Variants in SATB1 observed in about 807,000 individuals in gnomAD.
The protein encoded by SATB1 is SATB homeobox 1.
In SATB1, 11 loss-of-function variants were observed where a neutral mutation model predicts 86.9. That is an observed-to-expected ratio of 0.13 (90% CI 0.08 to 0.21). The LOEUF is 0.21. SATB1 is among the 10% of genes least tolerant of loss of function. SATB1 has a pLI of 1.00. For missense variants in SATB1, 551 were observed against 937.6 expected, an observed-to-expected ratio of 0.59 and a Z score of 5.39; for synonymous variants, 357 against 357.2, an observed-to-expected ratio of 1.00 and a Z score of 0.01.
At chr3:18,388,783 T>C (rs1313111155) in intron 7 of SATB1, among the ~76,000 whole-genome samples, 1 of 152,072 alleles carries the variant, frequency 6.6e-6, no homozygotes, top group African/African-American at 2.4e-5. Flanking sequence ...GGGCAAAACA[T>C]AGTTATAAAT....
At chr3:18,441,482 T>A (rs1021477639), upstream of SATB1, among the ~76,000 whole-genome samples, 16 of 152,198 alleles carry the variant, frequency 1.1e-4, no homozygotes, top group Admixed American at 7.2e-4. Context: ...ATTGCTTTAG[T>A]CATATGCATT....
chr3:18,413,014 T>C (rs565823618), intron 5 of SATB1, among the ~76,000 whole-genome samples: 3 of 152,218 alleles, frequency 2.0e-5, no homozygotes, highest in East Asian at 1.9e-4. Context: ...AGTTTTTTTA[T>C]GGAAAAGAAT....
Position 18,386,868 on chromosome 3 carries a change from T to C in SATB1, c.1207-257A>G, listed in dbSNP as rs1188971408. ...GTCTCCTTCCTTTGAGTAGCTTAAC[T>C]TGCCATGAAATCTTTCACAGAGAGA... On this transcript the variant is annotated intron_variant, in intron 7 of 10. Coordinates refer to ENST00000338745, the MANE Select transcript of SATB1 (RefSeq NM_002971.6). This position sits in a 1 kb window ranked among gnomAD's most constrained non-coding sequence, Gnocchi z 4.5. Among the ~76,000 whole-genome samples, 1 of 152,178 alleles carries C rather than the reference T, an allele frequency of 6.6e-6. No individual in the cohort carries two copies. The highest frequency in any genetic ancestry group is 1.9e-4 in the East Asian group (1 of 5,196).
chr3:18,436,603 G>A (rs1699070500), intron 2 of SATB1, among the ~76,000 whole-genome samples: 1 of 151,204 alleles, frequency 6.6e-6, no homozygotes, highest in Non-Finnish European at 1.5e-5. Context: ...AAATTAGAAA[G>A]AAAATTCTCT....
rs555386892 is a variant in SATB1, at chr3:18,419,288, C to T, written c.211+1469G>A. 1.1e-4 allele frequency among the ~76,000 whole-genome samples: 14 copies of T among 132,424 alleles called. No individual in the cohort carries two copies. In the East Asian group the frequency reaches 2.1e-3, roughly 20 times the overall value. The allele number at this position is 132,424 out of a possible 152,430, so 86.9% of individuals were successfully genotyped here. ...TATGATTATTCGTGCTAGTGTTTGG[C>T]GAGAGTTCCAACTACAGCAACTTCA... On this transcript the variant is annotated intron_variant, in intron 2 of 10. Transcript: ENST00000338745.
chr3:18,356,114 T>A lies in SATB1; in HGVS notation c.1576-3919A>T, dbSNP rs115388151. On this transcript the variant is annotated intron_variant, in intron 9 of 10. Transcript: ENST00000338745. ...ACTTAAAAAAAACTGGCATGGACGCTGAATAAGCTGAAAATGCCATGCAGA... is the reference window on the plus strand; with the variant it reads ...ACTTAAAAAAAACTGGCATGGACGCAGAATAAGCTGAAAATGCCATGCAGA... Among the ~76,000 whole-genome samples, 710 of 152,002 alleles carry A rather than the reference T, an allele frequency of 4.7e-3. 5 individuals are homozygous for A. The highest frequency in any genetic ancestry group is 0.016 in the African/African-American group (674 of 41,532).
intron 8 of SATB1, among the ~76,000 whole-genome samples, chr3:18,385,093 G>A (rs1277738453): frequency 6.6e-6 from 1 of 152,062 alleles, no homozygotes; most frequent in East Asian, 1.9e-4. Flanking sequence ...TCTTATTTAT[G>A]CAGTATCCGT....
intron 5 of SATB1, among the ~76,000 whole-genome samples, chr3:18,413,067 C>A (rs1378302463): frequency 6.6e-6 from 1 of 152,038 alleles, no homozygotes; most frequent in Non-Finnish European, 1.5e-5. Flanking sequence ...CTAGTTCCAT[C>A]ACTTAATGAT....
chr3:18,400,043 A>G (rs546969334), intron 5 of SATB1, among the ~76,000 whole-genome samples: 1 of 152,296 alleles, frequency 6.6e-6, no homozygotes, highest in Non-Finnish European at 1.5e-5. Context: ...TGTGGTGCAC[A>G]TGGCATTTGA....
At chr3:18,410,919 A>C (rs2125148974) in intron 5 of SATB1, 1 of 390,728 alleles carries the variant, frequency 2.6e-6, no homozygotes, top group South Asian at 1.3e-4. Context: ...AGTGTATTTA[A>C]TTCCTACGGA....
intron 8 of SATB1, among the ~76,000 whole-genome samples, chr3:18,384,959 A>G (rs1281125869): frequency 6.6e-6 from 1 of 152,214 alleles, no homozygotes; most frequent in Non-Finnish European, 1.5e-5. Context: ...ATAGACATCA[A>G]GACCAGATTG....
chr3:18,378,421 T>C (rs1695874030), intron 8 of SATB1, 96 bp from the exon 9 acceptor site: 3 of 1,220,454 alleles, frequency 2.5e-6, no homozygotes, highest in Non-Finnish European at 3.5e-6. Context: ...TGTTGTTCCT[T>C]TTATGATCAA....
chr3:18,369,569 A>G (rs60510146), intron 9 of SATB1, among the ~76,000 whole-genome samples: 2,400 of 152,242 alleles, frequency 0.016, 70 homozygotes, highest in African/African-American at 0.055. Flanking sequence ...CTGAAATTTT[A>G]GTTACACCAC....
chr3:18,349,813 A>G lies in SATB1; in HGVS notation c.1780-131T>C. On this transcript the variant is annotated intron_variant, in intron 10 of 10. Transcript: ENST00000338745. The surrounding 1 kb of genome is among the most constrained non-coding windows in gnomAD (Gnocchi z 5.5). The stretch of plus-strand genomic sequence containing the variant: ...TTGATAGGGATGAAGATTTAGAAAG[A>G]AAAGGTAGGCCGGCGAAATGGCCGA... 7.1e-7 allele frequency: 1 copy of G among 1,414,950 alleles called. No homozygotes were observed. The highest frequency in any genetic ancestry group is 9.2e-7 in the Non-Finnish European group (1 of 1,082,738). 87.6% of individuals were successfully genotyped at this position (1,414,950 alleles called of 1,614,324 possible).
rs1694200949 is a variant in SATB1 at position 18,348,919 on chromosome 3, C to A, written c.*251G>T. The A allele has an allele frequency of 1.8e-6, 1 of 541,894 alleles. No homozygotes were observed. The highest frequency in any genetic ancestry group is 3.2e-6 in the Non-Finnish European group (1 of 317,196). The allele number at this position is 541,894 out of a possible 1,614,324, so 33.6% of individuals were successfully genotyped here. A position where few individuals can be genotyped will look rare whatever the true frequency, so the allele number is the denominator to read the frequency against. On this transcript the variant is annotated 3_prime_UTR_variant, in exon 11 of 11. Coordinates refer to ENST00000338745, the MANE Select transcript of SATB1 (RefSeq NM_002971.6). ...TACGGGGTACACACTTTGGTGCATC[C>A]CGTGAACACAAATTTTAATACCAAA...
Position 18,407,512 on chromosome 3 carries a change from A to G in SATB1, c.639+7599T>C, listed in dbSNP as rs184956923. Among the ~76,000 whole-genome samples the G allele has an allele frequency of 5.9e-5, 9 of 152,184 alleles. No homozygotes were observed. In the East Asian group the frequency reaches 1.7e-3, roughly 29 times the overall value. On this transcript the variant is annotated intron_variant, in intron 5 of 10. Coordinates refer to ENST00000338745, the MANE Select transcript of SATB1 (RefSeq NM_002971.6). ...AAAACAACTAGTTATGGCACACTTT[A>G]GGACTGAAAACTGTTCTAAATGTTT...
intron 9 of SATB1, among the ~76,000 whole-genome samples, chr3:18,370,871 C>T (rs1484828249): frequency 3.3e-5 from 5 of 152,192 alleles, no homozygotes; most frequent in Non-Finnish European, 5.9e-5. Flanking sequence ...AGTTCCCATC[C>T]GTAGCGTCGA....
chr3:18,387,476 C>G (rs924906011), intron 7 of SATB1, among the ~76,000 whole-genome samples: 4 of 152,108 alleles, frequency 2.6e-5, no homozygotes, highest in Admixed American at 6.5e-5. Flanking sequence ...GTCTTTCCCC[C>G]CTAAATAACA....
At chr3:18,357,596 A>C (rs1331705782) in intron 9 of SATB1, among the ~76,000 whole-genome samples, 7 of 143,480 alleles carry the variant, frequency 4.9e-5, no homozygotes, top group Admixed American at 2.8e-4. Flanking sequence ...GGGTAATTTC[A>C]TATCAGTGTG....
Sources: allele counts gnomAD v4.1 joint callset (sites outside exome capture counted in the v4.1 genomes callset), GRCh38; gene constraint gnomAD v4.1.1; non-coding constraint Gnocchi (gnomAD v3.1); transcripts MANE v1.5; gene names NCBI Gene and HGNC (gene_info 2026-07-23, HGNC 2026-07-21).